Variants in MYOCD observed in about 807,000 individuals in gnomAD.
MYOCD encodes the protein myocardin.
MYOCD carries 32 observed loss-of-function variants against 96.1 expected under a neutral mutation model. The ratio of observed to expected loss-of-function variants is 0.33; its 90% CI spans 0.25 to 0.45. The LOEUF is 0.45. MYOCD is among the 20% of genes least tolerant of loss of function. MYOCD has a pLI of 1.00. For missense variants in MYOCD, 1,133 were observed against 1,200.6 expected (o/e 0.94, Z 0.83); for synonymous variants, 469 against 469.0 (o/e 1.00, Z 0.00).
chr17:12,762,883 G>A, intron 13 of MYOCD, 190 bp from the exon 14 acceptor site: 1 of 580,876 alleles, frequency 1.7e-6, no homozygotes, highest in East Asian at 2.9e-5. Context: ...ATTCCCAAGA[G>A]GAAAGGGTTT....
intron 1 of MYOCD, among the ~76,000 whole-genome samples, chr17:12,694,881 C>CAAAAAAA (rs201215491): frequency 1.3e-4 from 9 of 69,646 alleles, no homozygotes; most frequent in African/African-American, 2.5e-4. Flanking sequence ...AAGGAATAAC[C>CAAAAAAA]AAAAAAAAAA....
intron 6 of MYOCD, 77 bp downstream of exon 6, chr17:12,736,413 C>G (rs1317724338): frequency 4.2e-6 from 6 of 1,429,762 alleles, no homozygotes; most frequent in Non-Finnish European, 5.7e-6. Flanking sequence ...AACATCAACA[C>G]TGTTAACAGC....
At chr17:12,693,242 G>T (rs1215404180) in intron 1 of MYOCD, among the ~76,000 whole-genome samples, 1 of 152,022 alleles carries the variant, frequency 6.6e-6, no homozygotes, top group African/African-American at 2.4e-5. Flanking sequence ...TGTTCCTGAA[G>T]TTCATTTTGG....
chr17:12,755,187 A>G (rs1055172918), intron 10 of MYOCD, among the ~76,000 whole-genome samples: 2 of 152,240 alleles, frequency 1.3e-5, no homozygotes, highest in African/African-American at 4.8e-5. Context: ...TGGGAAACAA[A>G]GGTAAAAATA....
Position 12,766,959 on chromosome 17 carries a change from G to A in MYOCD, c.*3315G>A, listed in dbSNP as rs2033354922. 6.6e-6 allele frequency: 1 copy of A among 151,584 alleles called. No individual in the cohort carries two copies. Among genetic ancestry groups the A allele is most frequent in the Admixed American group, 6.6e-5 (1 of 15,174 alleles). The allele number at this position is 151,584 out of a possible 1,614,324, so 9.4% of individuals were successfully genotyped here. A position where few individuals can be genotyped will look rare whatever the true frequency, so the allele number is the denominator to read the frequency against. ...TCTATTCTAAGGGAGAAAGAGGGAG[G>A]AAGAGAGGGAGGGAGGGAGGAAGAA... On this transcript the variant is annotated 3_prime_UTR_variant, in exon 14 of 14. Coordinates refer to ENST00000425538, the MANE Select transcript of MYOCD (RefSeq NM_001146312.3).
rs201539525 is a variant in MYOCD, at chr17:12,752,665, C to T, written c.1377C>T (p.Ser459=). The stretch of plus-strand genomic sequence containing the variant: ...GCACCAGCTCCAGCCCCCCGATCTC[C>T]CCAGCCTCCTCTGACCTGTCAGTCG... The part of the protein sequence containing the change: ...FGSTSSSPPI[S]PASSDLSVAG... Residue 459 remains serine, a synonymous_variant, in exon 10 of 14, where the codon TCC becomes TCT. Transcript: ENST00000425538. The T allele has an allele frequency of 4.3e-6, 7 of 1,614,114 alleles. No homozygotes were observed. The highest frequency in any genetic ancestry group is 2.7e-5 in the African/African-American group (2 of 75,050).
chr17:12,692,949 C>T (rs1040503867), intron 1 of MYOCD, among the ~76,000 whole-genome samples: 2 of 152,176 alleles, frequency 1.3e-5, no homozygotes, highest in Non-Finnish European at 2.9e-5. Context: ...CTAAACTCTG[C>T]ACTCTCTGGT....
chr17:12,756,313 A>G, intron 10 of MYOCD, 101 bp from the exon 11 acceptor site: 6 of 1,371,472 alleles, frequency 4.4e-6, no homozygotes, highest in Non-Finnish European at 2.0e-6. Flanking sequence ...GTTTGTAAAA[A>G]TGACACCAGG....
chr17:12,761,255 C>T (rs931983073), intron 13 of MYOCD: 3 of 153,016 alleles, frequency 2.0e-5, no homozygotes, highest in African/African-American at 7.2e-5. Context: ...TTAAACCACA[C>T]AAATGAATAA....
intron 1 of MYOCD, among the ~76,000 whole-genome samples, chr17:12,675,625 G>A (rs542262267): frequency 3.3e-5 from 5 of 152,212 alleles, no homozygotes; most frequent in African/African-American, 1.2e-4. Context: ...TTGGGAGGCC[G>A]AGATGGGTGG....
At position 12,705,113 on chromosome 17, in the gene MYOCD, ACT is replaced by A. The variant is rs1282661419; in HGVS notation, c.56-13_56-12del. 6.3e-7 allele frequency: 1 copy of A among 1,596,832 alleles called. No individual in the cohort carries two copies. Among genetic ancestry groups the A allele is most frequent in the Non-Finnish European group, 8.6e-7 (1 of 1,165,400 alleles). On this transcript the variant is annotated splice_polypyrimidine_tract_variant and intron_variant, in intron 1 of 13. Transcript: ENST00000425538. ...TATTTAGCCCAACTCACAAACTAAC[ACT>A]CCCTTTTCTAAGTTTTACAGTTAAG...
intron 1 of MYOCD, among the ~76,000 whole-genome samples, chr17:12,694,881 CAAAAAAAAAAAA>C (rs201215491): frequency 1.4e-5 from 1 of 69,632 alleles, no homozygotes; most frequent in Non-Finnish European, 2.9e-5. Flanking sequence ...AAGGAATAAC[CAAAAAAAAAAAA>C]AAAAAAAAAA....
At chr17:12,680,525 T>C (rs1001839639) in intron 1 of MYOCD, among the ~76,000 whole-genome samples, 67 of 152,180 alleles carry the variant, frequency 4.4e-4, no homozygotes, top group African/African-American at 1.6e-3. Context: ...GTCTCAGGCA[T>C]CTCTGCAGCA....
rs2033144744 is a variant in MYOCD at position 12,760,685 on chromosome 17, G to A, written c.2367G>A (p.Leu789=). The A allele has an allele frequency of 1.2e-6, 2 of 1,613,910 alleles. No individual in the cohort carries two copies. Among genetic ancestry groups the A allele is most frequent in the African/African-American group, 1.3e-5 (1 of 74,914 alleles). Residue 789 remains leucine (L), a synonymous_variant, in exon 13 of 14, where the codon CTG becomes CTA. Coordinates refer to ENST00000425538, the MANE Select transcript of MYOCD (RefSeq NM_001146312.3). ...MTRSQQMDEL[L]DVLIESGEMP... ...GGAGTCAGCAGATGGATGAACTCCT[G>A]GACGTGCTTATTGAAAGCGGAGGTA...
intron 2 of MYOCD, among the ~76,000 whole-genome samples, chr17:12,707,027 C>T (rs4141222): frequency 6.6e-6 from 1 of 151,906 alleles, no homozygotes; most frequent in African/African-American, 2.4e-5. Flanking sequence ...GTCCAAGTCA[C>T]GGCTGGTGCA....
intron 1 of MYOCD, among the ~76,000 whole-genome samples, chr17:12,697,360 T>TATATATA (rs1491327089): frequency 9.4e-4 from 37 of 39,182 alleles, no homozygotes; most frequent in Middle Eastern, 0.013. Flanking sequence ...TATATATATA[T>TATATATA]TTTTTTTTTT....
Position 12,767,384 on chromosome 17 carries a change from T to G in MYOCD, c.*3740T>G, listed in dbSNP as rs2033369260. The G allele has an allele frequency of 6.6e-6, 1 of 152,238 alleles. No individual in the cohort carries two copies. The highest frequency in any genetic ancestry group is 1.5e-5 in the Non-Finnish European group (1 of 68,050). 9.4% of individuals were successfully genotyped at this position (152,238 alleles called of 1,614,324 possible). A position where few individuals can be genotyped will look rare whatever the true frequency, so the allele number is the denominator to read the frequency against. ...TTATTTTAAAGTCAATCAGCTCTTT[T>G]AGAAACAGATTCTGGTCTGGCTGAA... On this transcript the variant is annotated 3_prime_UTR_variant, in exon 14 of 14. Coordinates refer to ENST00000425538, the MANE Select transcript of MYOCD (RefSeq NM_001146312.3).
At chr17:12,696,728 G>C (rs2030769884) in intron 1 of MYOCD, among the ~76,000 whole-genome samples, 1 of 152,130 alleles carries the variant, frequency 6.6e-6, no homozygotes, top group African/African-American at 2.4e-5. Flanking sequence ...CTTTCCTTTG[G>C]TTAGGTTTAG....
At chr17:12,678,091 C>T (rs149968872) in intron 1 of MYOCD, among the ~76,000 whole-genome samples, 3,301 of 151,604 alleles carry the variant, frequency 0.022, 138 homozygotes, top group African/African-American at 0.075. Context: ...TGGGGTTTCA[C>T]CATGTTGGCC....
Sources: allele counts gnomAD v4.1 joint callset (sites outside exome capture counted in the v4.1 genomes callset), GRCh38; gene constraint gnomAD v4.1.1; transcripts MANE v1.5; gene names NCBI Gene and HGNC (gene_info 2026-07-23, HGNC 2026-07-21).